Variants in NKAIN2 observed in about 807,000 individuals in gnomAD.
NKAIN2 encodes the protein sodium/potassium-transporting ATPase subunit beta-1-interacting protein 2.
Under a neutral mutation model 32.6 loss-of-function variants are expected in NKAIN2, and 14 were observed. The ratio of observed to expected loss-of-function variants is 0.43; its 90% CI spans 0.28 to 0.67. The LOEUF (loss-of-function observed/expected upper bound fraction) is 0.67. Among genes scored for constraint, NKAIN2 ranks in the 30% least tolerant of loss-of-function variants. NKAIN2 has a pLI of 0.17. For synonymous variants in NKAIN2, 80 were observed against 87.2 expected (o/e 0.92, Z 0.46); for missense variants, 198 against 258.3 (o/e 0.77, Z 1.60).
At chr6:124,123,128 C>G (rs750453894) in intron 1 of NKAIN2, among the ~76,000 whole-genome samples, 10 of 151,882 alleles carry the variant, frequency 6.6e-5, no homozygotes, top group Admixed American at 1.3e-4. Context: ...TAAGCTGTTA[C>G]TGGATTGCCG....
intron 3 of NKAIN2, among the ~76,000 whole-genome samples, chr6:124,481,716 T>C (rs1446175572): frequency 6.6e-6 from 1 of 152,178 alleles, no homozygotes; most frequent in East Asian, 1.9e-4. Context: ...CTTGTAAAAT[T>C]TATTTTCACT....
intron 1 of NKAIN2, among the ~76,000 whole-genome samples, chr6:124,266,753 G>A (rs146734094): frequency 3.2e-4 from 49 of 152,334 alleles, no homozygotes; most frequent in Non-Finnish European, 5.1e-4. Context: ...TTGGACAAGA[G>A]AGTATGGGCT....
intron 1 of NKAIN2, among the ~76,000 whole-genome samples, chr6:123,981,620 G>A (rs566820730): frequency 1.3e-5 from 2 of 152,326 alleles, no homozygotes; most frequent in African/African-American, 4.8e-5. Context: ...TGGAGTTTCA[G>A]CTCTTGATAG....
intron 1 of NKAIN2, among the ~76,000 whole-genome samples, chr6:124,061,913 G>C (rs912383131): frequency 6.6e-6 from 1 of 152,068 alleles, no homozygotes; most frequent in Non-Finnish European, 1.5e-5. Context: ...CTTAAGATGA[G>C]CAAAGTAGAG....
chr6:124,419,106 C>T (rs542606576), intron 3 of NKAIN2, among the ~76,000 whole-genome samples: 1 of 152,178 alleles, frequency 6.6e-6, no homozygotes, highest in South Asian at 2.1e-4. Context: ...ATTAATTTGC[C>T]TCCACTTCTA....
intron 3 of NKAIN2, among the ~76,000 whole-genome samples, chr6:124,576,991 C>A (rs1025090384): frequency 2.6e-5 from 4 of 151,936 alleles, no homozygotes; most frequent in African/African-American, 4.8e-5. Flanking sequence ...AGAACTGAAA[C>A]CTCTGCTTTT....
intron 1 of NKAIN2, among the ~76,000 whole-genome samples, chr6:123,977,810 A>G (rs1778708020): frequency 6.6e-6 from 1 of 152,134 alleles, no homozygotes; most frequent in South Asian, 2.1e-4. Context: ...CATCACTTGT[A>G]TTTCTCTGTC....
intron 3 of NKAIN2, among the ~76,000 whole-genome samples, chr6:124,566,675 C>T (rs940705884): frequency 3.5e-5 from 5 of 141,376 alleles, no homozygotes; most frequent in Admixed American, 2.1e-4. Flanking sequence ...AGCAAAGTTT[C>T]ATAAGACTCT....
In NKAIN2 at chr6:124,283,652, A is replaced by C. The variant is rs534526425; in HGVS notation, c.192+510A>C. ...TCTCCATAATTCTCTTTTTGGCTTG[A>C]AGGAAGTATTTTGCATTCCCACTCA... On this transcript the variant is annotated intron_variant, in intron 2 of 6. Coordinates refer to ENST00000368417, the MANE Select transcript of NKAIN2 (RefSeq NM_001040214.3). Among the ~76,000 whole-genome samples the C allele has an allele frequency of 2.8e-3, 421 of 152,238 alleles. 6 individuals carry two copies. Among genetic ancestry groups the C allele is most frequent in the Non-Finnish European group, 2.8e-3 (192 of 68,010 alleles).
chr6:124,226,677 A>G (rs1186028221), intron 1 of NKAIN2, among the ~76,000 whole-genome samples: 1 of 151,996 alleles, frequency 6.6e-6, no homozygotes, highest in Non-Finnish European at 1.5e-5. Flanking sequence ...CTTTGACAAA[A>G]AGTTATATTA....
intron 3 of NKAIN2, among the ~76,000 whole-genome samples, chr6:124,518,044 G>T (rs1420434724): frequency 6.6e-6 from 1 of 151,872 alleles, no homozygotes; most frequent in Non-Finnish European, 1.5e-5. Flanking sequence ...CAATGAATGT[G>T]ATTTAAAATA....
At chr6:123,949,798 C>G (rs1446856068) in intron 1 of NKAIN2, among the ~76,000 whole-genome samples, 3 of 151,878 alleles carry the variant, frequency 2.0e-5, no homozygotes, top group Admixed American at 1.3e-4. Context: ...CTTTCTTTCT[C>G]TTGCTTGATT....
At chr6:124,357,849 A>G (rs1312104322) in intron 3 of NKAIN2, among the ~76,000 whole-genome samples, 2 of 152,244 alleles carry the variant, frequency 1.3e-5, no homozygotes, top group African/African-American at 4.8e-5. Context: ...ATATGTATAC[A>G]TGTGCCATGT....
chr6:124,237,669 C>G (rs982411769), intron 1 of NKAIN2, among the ~76,000 whole-genome samples: 1 of 151,994 alleles, frequency 6.6e-6, no homozygotes, highest in East Asian at 1.9e-4. Flanking sequence ...AATATTCTTC[C>G]TCAGAAACAG....
At chr6:124,016,308 A>G (rs1393807902) in intron 1 of NKAIN2, among the ~76,000 whole-genome samples, 1 of 152,198 alleles carries the variant, frequency 6.6e-6, no homozygotes, top group Non-Finnish European at 1.5e-5. Context: ...TACTGTCAAA[A>G]ACTAGTTAAT....
chr6:124,637,744 G>T (rs529512323), intron 3 of NKAIN2, among the ~76,000 whole-genome samples: 5 of 151,832 alleles, frequency 3.3e-5, no homozygotes, highest in Admixed American at 6.6e-5. Context: ...GTAAAACACC[G>T]ATTTAAAAAA....
intron 3 of NKAIN2, among the ~76,000 whole-genome samples, chr6:124,656,934 T>C (rs1375790103): frequency 6.6e-6 from 1 of 152,184 alleles, no homozygotes; most frequent in Non-Finnish European, 1.5e-5. Flanking sequence ...CTAGCTGCTG[T>C]GTTTCCTAGG....
Position 124,820,831 on chromosome 6 carries a change from C to T in NKAIN2, c.617+2363C>T, listed in dbSNP as rs541265433. Among the ~76,000 whole-genome samples the T allele has an allele frequency of 7.2e-5, 11 of 152,260 alleles. 1 individual carries two copies. In the South Asian group the frequency reaches 2.1e-3, roughly 29 times the overall value. ...TAGGTTTTGTGATCCTTATGAGAAT[C>T]TAATGCCTGATGATCTGAGGTGGAA... On this transcript the variant is annotated intron_variant, in intron 6 of 6. Transcript: ENST00000368417.
chr6:124,045,156 G>C (rs151215067), intron 1 of NKAIN2, among the ~76,000 whole-genome samples: 1 of 151,628 alleles, frequency 6.6e-6, no homozygotes, highest in Admixed American at 6.6e-5. Flanking sequence ...AAACTATCTG[G>C]CTAAAATATA....
Sources: allele counts gnomAD v4.1 joint callset (sites outside exome capture counted in the v4.1 genomes callset), GRCh38; gene constraint gnomAD v4.1.1; transcripts MANE v1.5; gene names NCBI Gene and HGNC (gene_info 2026-07-23, HGNC 2026-07-21).